The following ANKS1B variants were observed in gnomAD, a reference collection of about 807,000 sequenced individuals.
ANKS1B encodes ankyrin repeat and sterile alpha motif domain containing 1B.
Under a neutral mutation model 148.3 loss-of-function variants are expected in ANKS1B, and 36 were observed. The ratio of observed to expected loss-of-function variants is 0.24; its 90% CI spans 0.19 to 0.32. The LOEUF (loss-of-function observed/expected upper bound fraction) is 0.32. Among genes scored for constraint, ANKS1B ranks in the 10% least tolerant of loss-of-function variants. ANKS1B has a pLI of 1.00. For synonymous variants in ANKS1B, 542 were observed against 560.8 expected (o/e 0.97, Z 0.47); for missense variants, 1,157 against 1,542.6 (o/e 0.75, Z 4.19).
At chr12:99,769,572 C>T (rs1376887975) in intron 8 of ANKS1B, among the ~76,000 whole-genome samples, 2 of 152,194 alleles carry the variant, frequency 1.3e-5, no homozygotes, top group Non-Finnish European at 2.9e-5. Context: ...TACTTAGCTG[C>T]CTTTGTTCTC....
intron 9 of ANKS1B, among the ~76,000 whole-genome samples, chr12:99,593,971 G>T (rs548291992): frequency 6.6e-6 from 1 of 151,492 alleles, no homozygotes. Context: ...TTTAATCTCC[G>T]TCTTGACAGA....
intron 12 of ANKS1B, among the ~76,000 whole-genome samples, chr12:99,378,206 G>A (rs374304242): frequency 6.6e-6 from 1 of 152,298 alleles, no homozygotes; most frequent in South Asian, 2.1e-4. Flanking sequence ...ATCTAAGGAA[G>A]TGTCTTTCAT....
chr12:99,247,475 G>A (rs79656103), intron 12 of ANKS1B, among the ~76,000 whole-genome samples: 1 of 152,014 alleles, frequency 6.6e-6, no homozygotes, highest in African/African-American at 2.4e-5. Context: ...GGCAAACAAC[G>A]CAGTATCAGA....
chr12:99,173,891 A>T (rs2153837032), intron 14 of ANKS1B, among the ~76,000 whole-genome samples: 1 of 151,974 alleles, frequency 6.6e-6, no homozygotes, highest in Non-Finnish European at 1.5e-5. Context: ...TATGACCAAA[A>T]TCTGGTGCTG....
At chr12:99,573,940 T>C (rs1002684092) in intron 9 of ANKS1B, among the ~76,000 whole-genome samples, 2 of 152,104 alleles carry the variant, frequency 1.3e-5, no homozygotes, top group African/African-American at 4.8e-5. Context: ...ATCATTTTTT[T>C]CACTTGCTAC....
intron 1 of ANKS1B, among the ~76,000 whole-genome samples, chr12:99,871,991 T>A (rs1246891622): frequency 1.3e-5 from 2 of 152,152 alleles, no homozygotes; most frequent in African/African-American, 4.8e-5. Context: ...AAAAGATTGA[T>A]AACTTGCATT....
intron 12 of ANKS1B, among the ~76,000 whole-genome samples, chr12:99,281,671 A>C (rs1003645590): frequency 5.9e-5 from 9 of 152,222 alleles, no homozygotes; most frequent in African/African-American, 2.2e-4. Context: ...ACTGTGAAAA[A>C]ATAAAAGAAC....
intron 17 of ANKS1B, among the ~76,000 whole-genome samples, chr12:98,875,636 A>C (rs1165630350): frequency 7.9e-5 from 12 of 151,354 alleles, no homozygotes; most frequent in Admixed American, 5.3e-4. Flanking sequence ...AATTTTTTCT[A>C]CTCTATCTAT....
At chr12:99,575,169 C>A (rs2097503810) in intron 9 of ANKS1B, among the ~76,000 whole-genome samples, 2 of 152,062 alleles carry the variant, frequency 1.3e-5, no homozygotes, top group African/African-American at 4.8e-5. Flanking sequence ...TGCAAGGGAA[C>A]TCCATCAGGC....
intron 11 of ANKS1B, among the ~76,000 whole-genome samples, chr12:99,415,989 C>T (rs2094893878): frequency 6.6e-6 from 1 of 151,982 alleles, no homozygotes; most frequent in Non-Finnish European, 1.5e-5. Flanking sequence ...GGCCCCATTG[C>T]CCTTTTATAG....
chr12:99,281,873 C>T (rs2078505480), intron 12 of ANKS1B, among the ~76,000 whole-genome samples: 1 of 152,174 alleles, frequency 6.6e-6, no homozygotes, highest in Non-Finnish European at 1.5e-5. Context: ...GATGCTGATA[C>T]TCAACTTTAT....
chr12:99,868,489 A>G (rs1331586415), intron 1 of ANKS1B, among the ~76,000 whole-genome samples: 4 of 152,198 alleles, frequency 2.6e-5, no homozygotes, highest in African/African-American at 9.6e-5. Context: ...CAGTGCAATA[A>G]GAAAAAGAAA....
At chr12:99,627,757 C>CTATA (rs2098123856) in intron 9 of ANKS1B, among the ~76,000 whole-genome samples, 1 of 151,980 alleles carries the variant, frequency 6.6e-6, no homozygotes, top group South Asian at 2.1e-4. Flanking sequence ...ATATAAACAG[C>CTATA]TATAATAAAA....
chr12:99,801,739 C>A (rs77596152), intron 4 of ANKS1B, among the ~76,000 whole-genome samples: 3 of 152,050 alleles, frequency 2.0e-5, no homozygotes, highest in African/African-American at 4.8e-5. Flanking sequence ...AAAGAAAAAA[C>A]GTATGGTATT....
chr12:98,818,701 AAAG>A (rs2153655443), intron 19 of ANKS1B, among the ~76,000 whole-genome samples: 1 of 152,346 alleles, frequency 6.6e-6, no homozygotes, highest in Non-Finnish European at 1.5e-5. Context: ...TAGATTTTGC[AAAG>A]TAATGTTGTT....
intron 25 of ANKS1B, among the ~76,000 whole-genome samples, chr12:98,768,156 A>C (rs1252803501): frequency 6.6e-6 from 1 of 152,152 alleles, no homozygotes; most frequent in East Asian, 1.9e-4. Flanking sequence ...ATATGATTAG[A>C]AATCAGCTAT....
intron 17 of ANKS1B, among the ~76,000 whole-genome samples, chr12:98,882,381 C>G (rs919750676): frequency 4.6e-5 from 7 of 152,098 alleles, no homozygotes; most frequent in African/African-American, 1.7e-4. Flanking sequence ...ACAAAATATC[C>G]ATTTCCAGAA....
intron 16 of ANKS1B, among the ~76,000 whole-genome samples, chr12:99,072,897 C>A (rs754941592): frequency 6.6e-6 from 1 of 152,058 alleles, no homozygotes. Flanking sequence ...TTCTCAATAG[C>A]TAGTACAGTG....
intron 2 of ANKS1B, among the ~76,000 whole-genome samples, chr12:99,815,811 A>G (rs1203941587): frequency 6.6e-6 from 1 of 151,830 alleles, no homozygotes; most frequent in East Asian, 1.9e-4. Flanking sequence ...AGTTGCCACA[A>G]AAGACATTAT....
Sources: allele counts gnomAD v4.1 joint callset (sites outside exome capture counted in the v4.1 genomes callset), GRCh38; gene constraint gnomAD v4.1.1; transcripts MANE v1.5; gene names NCBI Gene and HGNC (gene_info 2026-07-23, HGNC 2026-07-21).